Variants in NAP1L4 observed in about 807,000 individuals in gnomAD.
NAP1L4 encodes nucleosome assembly protein 1 like 4.
NAP1L4 carries 15 observed loss-of-function variants against 58.2 expected under a neutral mutation model. That is an observed-to-expected ratio of 0.26 (90% CI 0.17 to 0.40). The LOEUF (loss-of-function observed/expected upper bound fraction) is 0.40, where lower values mean the gene tolerates loss of function less well. Ranked by LOEUF, NAP1L4 falls within the 10% of genes least tolerant of loss-of-function variation. The probability of loss-of-function intolerance (pLI) is 1.00; values close to 1 mark genes in which losing one functional copy is unlikely to be tolerated. For synonymous variants in NAP1L4, 171 were observed against 155.6 expected (o/e 1.10, Z -0.74); for missense variants, 384 against 451.1 (o/e 0.85, Z 1.35).
intron 4 of NAP1L4, among the ~76,000 whole-genome samples, chr11:2,975,458 C>A (rs1028186045): frequency 2.8e-4 from 42 of 152,014 alleles, no homozygotes; most frequent in African/African-American, 9.7e-4. Flanking sequence ...GTCAGCCAGG[C>A]ACGGTAGCTC....
At chr11:2,990,329 A>T (rs1419915153) in intron 1 of NAP1L4, 2 of 152,212 alleles carry the variant, frequency 1.3e-5, no homozygotes, top group African/African-American at 4.8e-5. Flanking sequence ...TAAACTTGTG[A>T]ACTACTACTA....
intron 1 of NAP1L4, among the ~76,000 whole-genome samples, chr11:2,985,960 T>A (rs773965689): frequency 2.0e-5 from 3 of 152,266 alleles, no homozygotes; most frequent in Non-Finnish European, 4.4e-5. Flanking sequence ...ATGGATTAAT[T>A]TCTTTGTACC....
chr11:2,954,859 A>G lies in NAP1L4; in HGVS notation c.916-213T>C, dbSNP rs2133915734. On this transcript the variant is annotated intron_variant, in intron 11 of 15. Transcript: ENST00000380542. The surrounding 1 kb of genome is among the most constrained non-coding windows in gnomAD (Gnocchi z 4.8). ...AGCTACTGAAGCAAAATGGCAGAGA[A>G]AGTGGGAAGTGAGGGCCCTACAGCT... 1.6e-6 allele frequency: 1 copy of G among 607,904 alleles called. No individual in the cohort carries two copies. The highest frequency in any genetic ancestry group is 2.9e-6 in the Non-Finnish European group (1 of 346,230). 37.7% of individuals were successfully genotyped at this position (607,904 alleles called of 1,614,324 possible). A position where few individuals can be genotyped will look rare whatever the true frequency, so the allele number is the denominator to read the frequency against.
At position 2,978,353 on chromosome 11, in the gene NAP1L4, A is replaced by G. The variant is rs767864549; in HGVS notation, c.15-11T>C. On this transcript the variant is annotated splice_polypyrimidine_tract_variant and intron_variant, in intron 2 of 15. Transcript: ENST00000380542. The stretch of plus-strand genomic sequence containing the variant: ...ACCCCATCTGAAAAACTAAAACAAC[A>G]GTATGTTTAAAAAGTATTACTGTAA... The G allele has an allele frequency of 1.2e-6, 2 of 1,613,048 alleles. No homozygotes were observed. The highest frequency in any genetic ancestry group is 1.1e-5 in the South Asian group (1 of 90,980).
At position 2,951,462 on chromosome 11, in the gene NAP1L4, C is replaced by T. The variant is rs1366254666; in HGVS notation, c.1066-147G>A. On this transcript the variant is annotated intron_variant, in intron 13 of 15. Transcript: ENST00000380542. This position sits in a 1 kb window ranked among gnomAD's most constrained non-coding sequence, Gnocchi z 4.0. ...AGTGACTCATCACTTCCTTTGGACA[C>T]TTAGAATTATTTCTAGGTATCTTTT... 27 of 733,152 alleles carry T rather than the reference C, an allele frequency of 3.7e-5. No individual in the cohort carries two copies. The highest frequency in any genetic ancestry group is 3.4e-4 in the South Asian group (20 of 58,480). 45.4% of individuals were successfully genotyped at this position (733,152 alleles called of 1,614,324 possible). A position where few individuals can be genotyped will look rare whatever the true frequency, so the allele number is the denominator to read the frequency against.
In NAP1L4 at chr11:2,945,615, T is replaced by C. The variant is rs1039265803; in HGVS notation, c.*64A>G. ...GGCACCCGCCTCCGCTTCCTACTGC[T>C]GCTTGCATTCCGCCGGCTGGCTGGG... On this transcript the variant is annotated 3_prime_UTR_variant, in exon 16 of 16. Transcript: ENST00000380542. 1 of 1,536,098 alleles carries C rather than the reference T, an allele frequency of 6.5e-7. No homozygotes were observed. The highest frequency in any genetic ancestry group is 8.7e-7 in the Non-Finnish European group (1 of 1,146,890).
chr11:2,946,219 T>C lies in NAP1L4; in HGVS notation c.*33-573A>G, dbSNP rs1466237034. Among the ~76,000 whole-genome samples, 5 of 152,138 alleles carry C rather than the reference T, an allele frequency of 3.3e-5. No homozygotes were observed. Among genetic ancestry groups the C allele is most frequent in the African/African-American group, 9.7e-5 (4 of 41,426 alleles). On this transcript the variant is annotated intron_variant, in intron 15 of 15. Transcript: ENST00000380542. The surrounding 1 kb of genome is among the most constrained non-coding windows in gnomAD (Gnocchi z 4.8). ...TGGCCTGTACTGCACCAACAAATGA[T>C]GAGCTGCCACTCCCAAGAGCTCCAT...
chr11:2,967,817 C>A (rs191709825), intron 7 of NAP1L4, among the ~76,000 whole-genome samples: 111 of 152,272 alleles, frequency 7.3e-4, no homozygotes, highest in Non-Finnish European at 1.4e-3. Flanking sequence ...TGCTGAAGCA[C>A]TGACACTACT....
chr11:2,945,682 A>C, intron 15 of NAP1L4, 36 bp from the exon 16 acceptor site: 1 of 1,516,172 alleles, frequency 6.6e-7, no homozygotes, highest in Non-Finnish European at 8.8e-7. Context: ...TAGAGAGCAA[A>C]GCCAGCTCCA....
At chr11:2,945,775 A>T in intron 15 of NAP1L4, 129 bp from the exon 16 acceptor site, 1 of 678,252 alleles carries the variant, frequency 1.5e-6, no homozygotes, top group Non-Finnish European at 2.3e-6. Context: ...CTGCAAATAT[A>T]CTTTTAAAAA....
intron 1 of NAP1L4, among the ~76,000 whole-genome samples, chr11:2,984,559 G>A (rs1203401489): frequency 2.0e-5 from 3 of 152,142 alleles, no homozygotes; most frequent in African/African-American, 2.4e-5. Flanking sequence ...CAACAAGAGC[G>A]AAACTCTGTC....
chr11:2,954,285 G>A lies in NAP1L4; in HGVS notation c.1035+242C>T. The stretch of plus-strand genomic sequence containing the variant: ...TGAGTCACTAGGCAGGGCTCACATA[G>A]GAAACTGGCAATCACCTCTGAAACT... On this transcript the variant is annotated intron_variant, in intron 12 of 15. Transcript: ENST00000380542. The surrounding 1 kb of genome is among the most constrained non-coding windows in gnomAD (Gnocchi z 4.8). 1.7e-6 allele frequency: 1 copy of A among 594,020 alleles called. No individual in the cohort carries two copies. Among genetic ancestry groups the A allele is most frequent in the Non-Finnish European group, 3.0e-6 (1 of 333,482 alleles). The allele number at this position is 594,020 out of a possible 1,614,324, so 36.8% of individuals were successfully genotyped here.
rs558890649 is a variant in NAP1L4 at position 2,985,354 on chromosome 11, G to A, written c.-17-6117C>T. Among the ~76,000 whole-genome samples, 12 of 152,192 alleles carry A rather than the reference G, an allele frequency of 7.9e-5. No homozygotes were observed. In the East Asian group the frequency reaches 2.3e-3, roughly 29 times the overall value. On this transcript the variant is annotated intron_variant, in intron 1 of 15. Transcript: ENST00000380542. ...ATCCCTATCACCCTTAAAACAGAAAGTTATAAGGAACTATCAAATATACAG... is the reference window on the plus strand; with the variant it reads ...ATCCCTATCACCCTTAAAACAGAAAATTATAAGGAACTATCAAATATACAG...
At position 2,949,748 on chromosome 11, in the gene NAP1L4, G is replaced by A. The variant is rs1464658930; in HGVS notation, c.1123-484C>T. On this transcript the variant is annotated intron_variant, in intron 14 of 15. Coordinates refer to ENST00000380542, the MANE Select transcript of NAP1L4 (RefSeq NM_005969.4). The surrounding 1 kb of genome is among the most constrained non-coding windows in gnomAD (Gnocchi z 4.0). ...AATGGCTGGTGAGAATGCTCTTTTA[G>A]AAACCTGGGACGTGAAAGGAGACTC... Among the ~76,000 whole-genome samples the A allele has an allele frequency of 6.6e-6, 1 of 152,172 alleles. No individual in the cohort carries two copies. Among genetic ancestry groups the A allele is most frequent in the Non-Finnish European group, 1.5e-5 (1 of 68,036 alleles).
chr11:2,950,814 G>T (rs1293346225), intron 14 of NAP1L4, among the ~76,000 whole-genome samples: 1 of 151,976 alleles, frequency 6.6e-6, no homozygotes, highest in Non-Finnish European at 1.5e-5. Context: ...CATCATCTGG[G>T]CATGCTCAGC....
intron 4 of NAP1L4, among the ~76,000 whole-genome samples, chr11:2,973,125 C>T (rs187796872): frequency 6.6e-4 from 100 of 152,286 alleles, no homozygotes; most frequent in African/African-American, 2.1e-3. Context: ...TTTAGTGCCA[C>T]GTGGGAATCC....
chr11:2,986,523 C>A (rs1488234497), intron 1 of NAP1L4, among the ~76,000 whole-genome samples: 7 of 152,000 alleles, frequency 4.6e-5, no homozygotes, highest in Non-Finnish European at 1.0e-4. Flanking sequence ...TGGGAGATAA[C>A]TGAAGGATTA....
Position 2,959,043 on chromosome 11 carries a change from T to TGATA in NAP1L4, c.747-500_747-499insTATC. 1.2e-5 allele frequency: 2 copies of TGATA among 162,648 alleles called. No individual in the cohort carries two copies. Among genetic ancestry groups the TGATA allele is most frequent in the South Asian group, 1.6e-4 (1 of 6,336 alleles). The allele number at this position is 162,648 out of a possible 1,614,324, so 10.1% of individuals were successfully genotyped here. A position where few individuals can be genotyped will look rare whatever the true frequency, so the allele number is the denominator to read the frequency against. On this transcript the variant is annotated intron_variant, in intron 9 of 15. Transcript: ENST00000380542. The surrounding 1 kb of genome is among the most constrained non-coding windows in gnomAD (Gnocchi z 4.9). Reference sequence around the variant, plus strand: ...ACAGCACGCTCTCTCTAACACACAATCACCACAGACCCAGGCAACACCTGG... The same window carrying TGATA: ...ACAGCACGCTCTCTCTAACACACAATGATACACCACAGACCCAGGCAACACCTGG...
chr11:2,952,358 T>C, intron 12 of NAP1L4: 1 of 153,944 alleles, frequency 6.5e-6, no homozygotes, highest in Non-Finnish European at 1.4e-5. Context: ...TTGTCTTGAA[T>C]CAGTTTCTCC....
Sources: gnomAD v4.1 joint callset for allele counts (sites outside exome capture counted in the v4.1 genomes callset) on GRCh38, gnomAD v4.1.1 for gene constraint, Gnocchi (gnomAD v3.1) non-coding constraint, MANE v1.5 for transcripts, NCBI Gene and HGNC (gene_info 2026-07-23, HGNC 2026-07-21) for gene names.